NCLN: variants seen among roughly 807,000 people sequenced by gnomAD.
The protein encoded by NCLN is nicalin.
NCLN carries 34 observed loss-of-function variants against 69.5 expected under a neutral mutation model. The ratio of observed to expected loss-of-function variants is 0.49; its 90% CI spans 0.37 to 0.65. The LOEUF (loss-of-function observed/expected upper bound fraction) is 0.65, where lower values mean the gene tolerates loss of function less well. NCLN is among the 30% of genes least tolerant of loss of function. The probability of loss-of-function intolerance (pLI) is 0.00; values close to 1 mark genes in which losing one functional copy is unlikely to be tolerated. For missense variants in NCLN, 710 were observed against 804.8 expected, an observed-to-expected ratio of 0.88 and a Z score of 1.42; for synonymous variants, 393 against 358.3, an observed-to-expected ratio of 1.10 and a Z score of -1.09.
At chr19:3,202,262 A>G (rs1005882224) in intron 6 of NCLN, among the ~76,000 whole-genome samples, 2 of 152,108 alleles carry the variant, frequency 1.3e-5, no homozygotes, top group Non-Finnish European at 2.9e-5. Flanking sequence ...CCCCTGGTTT[A>G]TCCCGTCTAC....
intron 5 of NCLN, among the ~76,000 whole-genome samples, chr19:3,200,903 G>C (rs945610320): frequency 2.0e-5 from 3 of 152,178 alleles, no homozygotes; most frequent in Non-Finnish European, 4.4e-5. Context: ...TCACTGAGGA[G>C]GGTGTTTATT....
chr19:3,204,949 C>T (rs544700447), intron 9 of NCLN, among the ~76,000 whole-genome samples, 198 bp downstream of exon 9: 16 of 152,294 alleles, frequency 1.1e-4, no homozygotes, highest in East Asian at 1.9e-4. Flanking sequence ...CTAGGGAGGG[C>T]GAGGCCAGCA....
At chr19:3,200,820 T>C (rs1405999521) in intron 5 of NCLN, among the ~76,000 whole-genome samples, 1 of 152,122 alleles carries the variant, frequency 6.6e-6, no homozygotes, top group Non-Finnish European at 1.5e-5. Context: ...CCAGTGCCTG[T>C]GGACTGGCCT....
chr19:3,196,231 G>T lies in NCLN; in HGVS notation c.569G>T (p.Gly190Val), dbSNP rs1599352948. ...AACGGCTTCCAGATGGTCACCAGCG[G>T]GGTACAGAGCAAGGCCGTGAGTGAC... ...TANGFQMVTS[G>V]VQSKAVSDWL... Residue 190 changes from glycine (G) to valine (V), a missense_variant, in exon 4 of 15, where the codon GGG (glycine) becomes GTG (valine). By Grantham distance (109) the Gly-to-Val change is moderately radical. Coordinates refer to ENST00000246117, the MANE Select transcript of NCLN (RefSeq NM_020170.4). The T allele has an allele frequency of 1.9e-6, 3 of 1,556,416 alleles. No individual in the cohort carries two copies. Among genetic ancestry groups the T allele is most frequent in the Non-Finnish European group, 1.7e-6 (2 of 1,149,814 alleles).
intron 1 of NCLN, among the ~76,000 whole-genome samples, chr19:3,189,198 C>T (rs781756176): frequency 3.3e-5 from 5 of 152,212 alleles, no homozygotes; most frequent in Non-Finnish European, 5.9e-5. Flanking sequence ...AAGGCTTTCT[C>T]GGCTCGGTGG....
chr19:3,196,333 G>T (rs192640034), intron 4 of NCLN, 56 bp downstream of exon 4: 7 of 1,319,040 alleles, frequency 5.3e-6, no homozygotes, highest in Non-Finnish European at 6.3e-6. Flanking sequence ...CCTGCCATCC[G>T]CCTGGCTCCC....
rs1201149553 is a variant in NCLN, at chr19:3,204,621, C to T, written c.1078C>T (p.Arg360Trp). 1 of 1,602,428 alleles carries T rather than the reference C, an allele frequency of 6.2e-7. No individual in the cohort carries two copies. The highest frequency in any genetic ancestry group is 8.5e-7 in the Non-Finnish European group (1 of 1,174,928). Residue 360 changes from arginine (R) to tryptophan (W), a missense_variant, in exon 9 of 15, where the codon CGG (arginine) becomes TGG (tryptophan). Physicochemically the swap from Arg to Trp is moderately radical, Grantham distance 101. Transcript: ENST00000246117. The part of the protein sequence containing the change: ...PEVRFSMVHK[R>W]INLAEDVLAW... ...GGTACGGTTCTCCATGGTGCACAAGCGGATCAACCTGGCGGAGGACGTGCT... is the reference window on the plus strand; with the variant it reads ...GGTACGGTTCTCCATGGTGCACAAGTGGATCAACCTGGCGGAGGACGTGCT...
intron 5 of NCLN, 122 bp downstream of exon 5, chr19:3,199,019 C>G (rs1785353989): frequency 4.8e-6 from 3 of 622,340 alleles, no homozygotes; most frequent in Non-Finnish European, 7.4e-6. Context: ...CCTGTGACGG[C>G]CTTTGCCCGT....
chr19:3,198,183 C>T (rs978851078), intron 4 of NCLN, among the ~76,000 whole-genome samples: 25 of 152,126 alleles, frequency 1.6e-4, no homozygotes, highest in African/African-American at 4.6e-4. Flanking sequence ...CAGTTATCCT[C>T]CTGAGGGGCT....
At position 3,206,317 on chromosome 19, in the gene NCLN, G is replaced by C; in HGVS notation, c.1391G>C (p.Arg464Pro). ...SVMDWLTNQP[R>P]AAQLVDKDST... ...ATGGACTGGCTCACCAACCAGCCGC[G>C]GGCCGCGCAGCTGGTGGACAAGGAC... Residue 464 changes from arginine to proline, a missense_variant, in exon 12 of 15, where the codon CGG (arginine) becomes CCG (proline). Coordinates refer to ENST00000246117, the MANE Select transcript of NCLN (RefSeq NM_020170.4). 1 of 1,548,246 alleles carries C rather than the reference G, an allele frequency of 6.5e-7. No homozygotes were observed. Among genetic ancestry groups the C allele is most frequent in the East Asian group, 2.4e-5 (1 of 40,922 alleles).
chr19:3,204,897 G>A (rs970016085), intron 9 of NCLN, 146 bp downstream of exon 9: 3 of 914,922 alleles, frequency 3.3e-6, no homozygotes, highest in Non-Finnish European at 4.5e-6. Flanking sequence ...GGCCAAGGCC[G>A]GCTGCACGGT....
rs71164662 is a variant in NCLN at position 3,199,689 on chromosome 19, C to CTTTTTTTTT, written c.696+811_696+819dup. 8.1e-4 allele frequency among the ~76,000 whole-genome samples: 56 copies of CTTTTTTTTT among 69,540 alleles called. 4 individuals carry two copies. The highest frequency in any genetic ancestry group is 3.5e-3 in the African/African-American group (51 of 14,560). 45.6% of individuals were successfully genotyped at this position (69,540 alleles called of 152,430 possible). ...GTGTCAACCAGCACCCTGCCTCCTC[C>CTTTTTTTTT]TTTTTTTTTTTTTTTTTTTTTTTTT... is the stretch of plus-strand genomic sequence containing the variant. On this transcript the variant is annotated intron_variant, in intron 5 of 14. Coordinates refer to ENST00000246117, the MANE Select transcript of NCLN (RefSeq NM_020170.4).
At chr19:3,186,355 C>G (rs1276883046) in intron 1 of NCLN, 141 bp downstream of exon 1, 1 of 992,486 alleles carries the variant, frequency 1.0e-6, no homozygotes, top group Non-Finnish European at 1.4e-6. Context: ...AGAGCCCTGC[C>G]GCCCTGGACC....
chr19:3,193,407 G>T lies in NCLN; in HGVS notation c.499G>T (p.Gly167Cys). Residue 167 changes from glycine to cysteine, a missense_variant, in exon 3 of 15, where the codon GGC becomes TGC. By Grantham distance (159) the Gly-to-Cys change is radical. Coordinates refer to ENST00000246117, the MANE Select transcript of NCLN (RefSeq NM_020170.4). ...GACCCAGGCTGCCTCCGCCTCCCAG[G>T]GCTCCGCCTCTGCTGCTGAAGGTGT... ...KQTQAASASQGSASAAEVLLR... is the reference protein window; with the variant it reads ...KQTQAASASQCSASAAEVLLR... 6.2e-7 allele frequency: 1 copy of T among 1,607,862 alleles called. No homozygotes were observed. Among genetic ancestry groups the T allele is most frequent in the East Asian group, 2.2e-5 (1 of 44,870 alleles).
intron 5 of NCLN, 57 bp downstream of exon 5, chr19:3,198,954 T>C: frequency 7.8e-7 from 1 of 1,275,114 alleles, no homozygotes; most frequent in Admixed American, 2.9e-5. Context: ...CTGGCTCCAG[T>C]CCAGTGCCGA....
intron 1 of NCLN, among the ~76,000 whole-genome samples, chr19:3,188,443 C>A (rs1378504452): frequency 6.6e-6 from 1 of 152,204 alleles, no homozygotes; most frequent in African/African-American, 2.4e-5. Context: ...GAGTCCCTCC[C>A]AGTTTCCTTG....
chr19:3,201,652 TGGG>T, intron 6 of NCLN, 26 bp downstream of exon 6: 1 of 772,876 alleles, frequency 1.3e-6, no homozygotes, highest in South Asian at 1.5e-5. Flanking sequence ...GGCAGGGGGA[TGGG>T]GGTGCGGGGG....
Position 3,186,136 on chromosome 19 carries a change from C to T in NCLN, c.106C>T (p.Pro36Ser). The T allele has an allele frequency of 6.3e-7, 1 of 1,596,500 alleles. No individual in the cohort carries two copies. The highest frequency in any genetic ancestry group is 8.5e-7 in the Non-Finnish European group (1 of 1,173,856). Reference protein sequence around the residue: ...LPAVLLLVAPPLPAADAAHEF... With the variant: ...LPAVLLLVAPSLPAADAAHEF... ...CGCTGTGCTGCTGCTGGTGGCGCCGCCGCTGCCTGCCGCCGACGCCGCGCA... is the reference window on the plus strand; with the variant it reads ...CGCTGTGCTGCTGCTGGTGGCGCCGTCGCTGCCTGCCGCCGACGCCGCGCA... Residue 36 changes from proline (P) to serine (S), a missense_variant, in exon 1 of 15, where the codon CCG becomes TCG. Physicochemically the swap from Pro to Ser is moderately conservative, Grantham distance 74. Transcript: ENST00000246117.
rs1041989973 is a variant in NCLN, at chr19:3,209,374, A to G, written c.*1686A>G. 1.3e-4 allele frequency: 20 copies of G among 152,358 alleles called. No homozygotes were observed. Among genetic ancestry groups the G allele is most frequent in the African/African-American group, 4.8e-4 (20 of 41,570 alleles). The allele number at this position is 152,358 out of a possible 1,614,324, so 9.4% of individuals were successfully genotyped here. On this transcript the variant is annotated 3_prime_UTR_variant, in exon 15 of 15. Coordinates refer to ENST00000246117, the MANE Select transcript of NCLN (RefSeq NM_020170.4). ...CCCAGGCAGCTGCCACCTTGTCACCATGAGAGAATTTGGGGAGTGCTTGCA... is the reference window on the plus strand; with the variant it reads ...CCCAGGCAGCTGCCACCTTGTCACCGTGAGAGAATTTGGGGAGTGCTTGCA...
Sources: allele counts gnomAD v4.1 joint callset (sites outside exome capture counted in the v4.1 genomes callset), GRCh38; gene constraint gnomAD v4.1.1; transcripts MANE v1.5; gene names NCBI Gene and HGNC (gene_info 2026-07-23, HGNC 2026-07-21).